The following AFF3 variants were observed in gnomAD, a reference collection of about 807,000 sequenced individuals.
The protein encoded by AFF3 is ALF transcription elongation factor 3.
AFF3 carries 32 observed loss-of-function variants against 129.7 expected under a neutral mutation model. That is an observed-to-expected ratio of 0.25 (90% CI 0.19 to 0.33). AFF3 has a LOEUF of 0.33. Ranked by LOEUF, AFF3 falls within the 10% of genes least tolerant of loss-of-function variation. The probability of loss-of-function intolerance (pLI) is 1.00; values close to 1 mark genes in which losing one functional copy is unlikely to be tolerated. For missense variants in AFF3, 1,373 were observed against 1,592.0 expected (o/e 0.86, Z 2.34); for synonymous variants, 644 against 635.4 (o/e 1.01, Z -0.20).
chr2:99,730,401 A>G (rs963682928), intron 10 of AFF3, among the ~76,000 whole-genome samples: 3 of 152,212 alleles, frequency 2.0e-5, no homozygotes, highest in African/African-American at 4.8e-5. Flanking sequence ...CTGCTGGAGT[A>G]TCTTACTTTC....
At chr2:99,905,975 A>G (rs78617264) in intron 7 of AFF3, among the ~76,000 whole-genome samples, 3,960 of 152,224 alleles carry the variant, frequency 0.026, 163 homozygotes, top group African/African-American at 0.088. Context: ...TGCACAATAA[A>G]AGAATATTAA....
intron 7 of AFF3, among the ~76,000 whole-genome samples, chr2:99,935,148 C>T (rs1674405563): frequency 1.3e-5 from 2 of 152,314 alleles, no homozygotes; most frequent in South Asian, 4.2e-4. Flanking sequence ...ATGTCTACTG[C>T]CTTCTCTTGC....
chr2:99,746,646 T>C (rs1681181708), intron 9 of AFF3, among the ~76,000 whole-genome samples: 2 of 152,254 alleles, frequency 1.3e-5, no homozygotes, highest in African/African-American at 4.8e-5. Context: ...TGAAATGGAC[T>C]AAAATATCAT....
At chr2:100,036,154 AAAAAAAC>A (rs1308575572) in intron 4 of AFF3, among the ~76,000 whole-genome samples, 1 of 150,692 alleles carries the variant, frequency 6.6e-6, no homozygotes, top group Non-Finnish European at 1.5e-5. Flanking sequence ...AAAAAAAAAA[AAAAAAAC>A]AACTTTCTCA....
At chr2:99,832,233 T>C (rs1688562936) in intron 8 of AFF3, among the ~76,000 whole-genome samples, 1 of 152,230 alleles carries the variant, frequency 6.6e-6, no homozygotes, top group Admixed American at 6.5e-5. Context: ...CTTCTAGGCA[T>C]ATGGTTCTGC....
chr2:99,668,709 C>G (rs1239408696), intron 12 of AFF3, among the ~76,000 whole-genome samples: 9,008 of 151,942 alleles, frequency 0.059, 875 homozygotes, highest in African/African-American at 0.2. Flanking sequence ...ATTACAGGCA[C>G]ATGCACCACG....
chr2:100,084,138 A>G (rs1446728106), intron 4 of AFF3, among the ~76,000 whole-genome samples: 1 of 152,254 alleles, frequency 6.6e-6, no homozygotes, highest in Non-Finnish European at 1.5e-5. Flanking sequence ...TTAGAAAAAA[A>G]AGTATTCTAT....
At chr2:99,560,256 C>A in intron 21 of AFF3, 109 bp downstream of exon 21, 1 of 1,198,352 alleles carries the variant, frequency 8.3e-7, no homozygotes, top group Admixed American at 1.9e-5. Flanking sequence ...TGCTCTGGGG[C>A]TTTGTATGTT....
intron 7 of AFF3, among the ~76,000 whole-genome samples, chr2:99,855,208 T>C (rs1690436922): frequency 6.6e-6 from 1 of 152,330 alleles, no homozygotes; most frequent in African/African-American, 2.4e-5. Context: ...AGGGTTTCTT[T>C]TGGGTGTGAT....
chr2:99,643,983 C>T (rs914302115), intron 13 of AFF3, among the ~76,000 whole-genome samples: 1 of 152,222 alleles, frequency 6.6e-6, no homozygotes, highest in East Asian at 1.9e-4. Flanking sequence ...AGGCAACACT[C>T]GTCTGGCTGG....
intron 13 of AFF3, among the ~76,000 whole-genome samples, chr2:99,623,151 C>CT (rs77383046): frequency 0.11 from 13,860 of 124,130 alleles, 838 homozygotes; most frequent in African/African-American, 0.14. Context: ...ACCTCTGGTT[C>CT]TTTTTTTTTT....
intron 8 of AFF3, among the ~76,000 whole-genome samples, chr2:99,789,640 C>G (rs1558852936): frequency 1.3e-5 from 2 of 151,972 alleles, no homozygotes; most frequent in Non-Finnish European, 2.9e-5. Flanking sequence ...CCTCTTCCTG[C>G]CTCTGGCCTC....
chr2:100,054,094 C>G (rs1480018925), intron 4 of AFF3, among the ~76,000 whole-genome samples: 1 of 152,126 alleles, frequency 6.6e-6, no homozygotes, highest in Non-Finnish European at 1.5e-5. Context: ...ATTAACACAA[C>G]CTCTACACCT....
At chr2:100,092,231 C>G (rs992840519) in intron 4 of AFF3, among the ~76,000 whole-genome samples, 1 of 152,034 alleles carries the variant, frequency 6.6e-6, no homozygotes. Context: ...CTCCTACTTT[C>G]CCTATCTCAT....
intron 7 of AFF3, among the ~76,000 whole-genome samples, chr2:99,996,563 G>GTTTTTTTTTTTTTTTTTT (rs1576506694): frequency 9.9e-6 from 1 of 101,206 alleles, no homozygotes; most frequent in African/African-American, 4.4e-5. Context: ...TGTATTTTTA[G>GTTTTTTTTTTTTTTTTTT]TAGAGACGGG....
At chr2:99,806,882 C>G (rs943462733) in intron 8 of AFF3, among the ~76,000 whole-genome samples, 1 of 151,996 alleles carries the variant, frequency 6.6e-6, no homozygotes, top group Non-Finnish European at 1.5e-5. Context: ...TGGTTTTGTT[C>G]CAACAGATTT....
intron 4 of AFF3, among the ~76,000 whole-genome samples, chr2:100,095,415 C>T (rs1395168055): frequency 2.6e-5 from 4 of 152,062 alleles, no homozygotes; most frequent in Admixed American, 2.6e-4. Context: ...TGGACTATGA[C>T]GTATTAAGGC....
intron 7 of AFF3, among the ~76,000 whole-genome samples, chr2:99,956,033 G>C: frequency 6.6e-6 from 1 of 151,180 alleles, no homozygotes; most frequent in East Asian, 1.9e-4. Flanking sequence ...GCATCAGAAA[G>C]GAAAAATAAA....
chr2:99,617,426 A>C (rs1301230874), intron 13 of AFF3, among the ~76,000 whole-genome samples: 1 of 152,190 alleles, frequency 6.6e-6, no homozygotes, highest in African/African-American at 2.4e-5. Context: ...GTATCTTTTC[A>C]TGTGCTTGTT....
Sources: allele counts gnomAD v4.1 joint callset (sites outside exome capture counted in the v4.1 genomes callset), GRCh38; gene constraint gnomAD v4.1.1; transcripts MANE v1.5; gene names NCBI Gene and HGNC (gene_info 2026-07-23, HGNC 2026-07-21).